LRRC14: variants seen among roughly 807,000 people sequenced by gnomAD.
LRRC14 encodes leucine rich repeat containing 14.
In LRRC14, 16 loss-of-function variants were observed where a neutral mutation model predicts 25.3. That is an observed-to-expected ratio of 0.63 (90% CI 0.43 to 0.96). The LOEUF is 0.96. Ranked by LOEUF, LRRC14 falls within the 40% of genes least tolerant of loss-of-function variation. The pLI, the probability that LRRC14 is intolerant of heterozygous loss-of-function variation, is 0.00. For missense variants in LRRC14, 594 were observed against 660.5 expected (o/e 0.90, Z 1.10); for synonymous variants, 359 against 295.1 (o/e 1.22, Z -2.22).
In LRRC14 at chr8:144,524,583, C is replaced by G; in HGVS notation, c.*3105C>G. On this transcript the variant is annotated 3_prime_UTR_variant, in exon 4 of 4. Coordinates refer to ENST00000292524, the MANE Select transcript of LRRC14 (RefSeq NM_014665.4). ...GCTAGTGAGCGCCAGCTCCAGCAGG[C>G]GCGGCTGCGCGCGGAAGGCGCCGGC... The G allele has an allele frequency of 6.5e-7, 1 of 1,536,566 alleles. No individual in the cohort carries two copies. Among genetic ancestry groups the G allele is most frequent in the Non-Finnish European group, 8.7e-7 (1 of 1,150,766 alleles).
At position 144,520,562 on chromosome 8, in the gene LRRC14, T is replaced by C. The variant is rs775338067; in HGVS notation, c.654T>C (p.Asp218=). The C allele has an allele frequency of 6.2e-7, 1 of 1,600,106 alleles. No homozygotes were observed. Among genetic ancestry groups the C allele is most frequent in the Non-Finnish European group, 8.5e-7 (1 of 1,179,868 alleles). ...RNTVALLQLL[D]AGCLRRVDLR... is the part of the protein sequence containing the mutation. ...CTGTGGCCCTGCTGCAGCTTCTGGATGCAGGCTGCCTGCGCCGCGTGGACC... is the reference window on the plus strand; with the variant it reads ...CTGTGGCCCTGCTGCAGCTTCTGGACGCAGGCTGCCTGCGCCGCGTGGACC... Residue 218 remains aspartate, a synonymous_variant, in exon 3 of 4, where the codon GAT becomes GAC. Transcript: ENST00000292524.
Position 144,519,912 on chromosome 8 carries a change from C to A in LRRC14, c.187C>A (p.Gln63Lys), listed in dbSNP as rs1168911744. ...TWPFPLLSFQ[Q>K]LLQECAHCSR... ...GCCCTTCCCGCTGCTCAGTTTCCAG[C>A]AGCTGCTACAGGAGTGTGCCCACTG... The change falls in exon 2 of 4, where the codon CAG becomes AAG. Residue 63 changes from glutamine to lysine, a missense_variant. Physicochemically the swap from Gln to Lys is moderately conservative, Grantham distance 53 (BLOSUM62 1). Coordinates refer to ENST00000292524, the MANE Select transcript of LRRC14 (RefSeq NM_014665.4). 2.5e-6 allele frequency: 4 copies of A among 1,613,286 alleles called. No homozygotes were observed.
chr8:144,523,188 G>T lies in LRRC14; in HGVS notation c.*1710G>T, dbSNP rs755773541. The stretch of plus-strand genomic sequence containing the variant: ...CCGGAGGCTTGGCAGGCAACCCGCA[G>T]GTCCTCACCCAGGTTGGCTGTGAGC... On this transcript the variant is annotated 3_prime_UTR_variant, in exon 4 of 4. Transcript: ENST00000292524. 3 of 1,609,988 alleles carry T rather than the reference G, an allele frequency of 1.9e-6. No homozygotes were observed. The Admixed American group carries it at 5.0e-5, about 27-fold the overall frequency.
rs766944855 is a variant in LRRC14, at chr8:144,520,294, A to C, written c.386A>C (p.Gln129Pro). 5.6e-6 allele frequency: 9 copies of C among 1,612,104 alleles called. No individual in the cohort carries two copies. Among genetic ancestry groups the C allele is most frequent in the Non-Finnish European group, 7.6e-6 (9 of 1,179,994 alleles). ...MTGLLDDGVEQDPGTMSMWDC... is the reference protein window; with the variant it reads ...MTGLLDDGVEPDPGTMSMWDC... ...GGCCTCTTGGATGATGGTGTGGAAC[A>C]GGATCCTGGCACCATGAGCATGTGG... The change falls in exon 3 of 4, where the codon CAG becomes CCG. Residue 129 changes from glutamine to proline, a missense_variant. Coordinates refer to ENST00000292524, the MANE Select transcript of LRRC14 (RefSeq NM_014665.4).
In LRRC14 at chr8:144,522,411, C is replaced by T; in HGVS notation, c.*933C>T. 7.3e-7 allele frequency: 1 copy of T among 1,370,126 alleles called. No individual in the cohort carries two copies. Among genetic ancestry groups the T allele is most frequent in the Non-Finnish European group, 9.4e-7 (1 of 1,069,064 alleles). 84.9% of individuals were successfully genotyped at this position (1,370,126 alleles called of 1,614,324 possible). ...ACTGCGCGGCTTCCACCTTTACTGA[C>T]GGAGCATGCGCGAGGCCGCACCGGC... On this transcript the variant is annotated 3_prime_UTR_variant, in exon 4 of 4. Coordinates refer to ENST00000292524, the MANE Select transcript of LRRC14 (RefSeq NM_014665.4).
intron 2 of LRRC14, 58 bp downstream of exon 2, chr8:144,520,112 A>G (rs1339595810): frequency 6.4e-7 from 1 of 1,573,900 alleles, no homozygotes; most frequent in East Asian, 2.2e-5. Flanking sequence ...TCCCCTGAGG[A>G]GGCTTGGGTC....
rs1272334248 is a variant in LRRC14 at position 144,518,000 on chromosome 8, G to C, written c.-153G>C. 1 of 275,354 alleles carries C rather than the reference G, an allele frequency of 3.6e-6. No homozygotes were observed. The highest frequency in any genetic ancestry group is 6.3e-6 in the Non-Finnish European group (1 of 158,484). The allele number at this position is 275,354 out of a possible 1,614,324, so 17.1% of individuals were successfully genotyped here. ...GGCGCCGGGCGGGGAGCGGCGGACG[G>C]TCTAGGCGGGGCTGGAGGCGGTGGC... is the stretch of plus-strand genomic sequence containing the variant. On this transcript the variant is annotated 5_prime_UTR_variant, in exon 1 of 4. Transcript: ENST00000292524.
intron 1 of LRRC14, chr8:144,519,332 G>A (rs1463395429): frequency 3.8e-5 from 11 of 292,006 alleles, no homozygotes; most frequent in South Asian, 1.7e-4. Flanking sequence ...TTCAGGTTTC[G>A]AAGAAGGTTT....
rs200030559 is a variant in LRRC14 at position 144,523,371 on chromosome 8, C to T, written c.*1893C>T. 1.3e-6 allele frequency: 2 copies of T among 1,569,820 alleles called. No homozygotes were observed. The highest frequency in any genetic ancestry group is 1.4e-5 in the African/African-American group (1 of 73,804). On this transcript the variant is annotated 3_prime_UTR_variant, in exon 4 of 4. Coordinates refer to ENST00000292524, the MANE Select transcript of LRRC14 (RefSeq NM_014665.4). ...TGGCCGCCCTCCTTGATCCAGGCACCCAGCCAGTGCAGGGCGCAGTCACAG... is the reference window on the plus strand; with the variant it reads ...TGGCCGCCCTCCTTGATCCAGGCACTCAGCCAGTGCAGGGCGCAGTCACAG...
chr8:144,522,420 C>G lies in LRRC14; in HGVS notation c.*942C>G. 2 of 1,377,400 alleles carry G rather than the reference C, an allele frequency of 1.5e-6. No homozygotes were observed. The highest frequency in any genetic ancestry group is 9.3e-7 in the Non-Finnish European group (1 of 1,073,404). 85.3% of individuals were successfully genotyped at this position (1,377,400 alleles called of 1,614,324 possible). On this transcript the variant is annotated 3_prime_UTR_variant, in exon 4 of 4. Transcript: ENST00000292524. ...CTTCCACCTTTACTGACGGAGCATG[C>G]GCGAGGCCGCACCGGCCAATCTCCG...
rs772545920 is a variant in LRRC14 at position 144,520,452 on chromosome 8, C to T, written c.544C>T (p.Arg182Trp). 30 of 1,597,564 alleles carry T rather than the reference C, an allele frequency of 1.9e-5. No homozygotes were observed. Among genetic ancestry groups the T allele is most frequent in the African/African-American group, 2.7e-5 (2 of 74,948 alleles). The change falls in exon 3 of 4, where the codon CGG (arginine) becomes TGG (tryptophan). Residue 182 changes from arginine (R) to tryptophan (W), a missense_variant. Transcript: ENST00000292524. ...RVNRASYAFL[R>W]EALRSSVGSP... ...GAACCGGGCCTCCTATGCGTTCCTG[C>T]GGGAGGCACTCCGAAGCAGCGTGGG...
At position 144,524,934 on chromosome 8, in the gene LRRC14, A is replaced by G. The variant is rs765807399; in HGVS notation, c.*3456A>G. The G allele has an allele frequency of 2.0e-4, 301 of 1,508,250 alleles. No individual in the cohort carries two copies. Among genetic ancestry groups the G allele is most frequent in the Non-Finnish European group, 2.4e-4 (273 of 1,129,808 alleles). 93.4% of individuals were successfully genotyped at this position (1,508,250 alleles called of 1,614,324 possible). On this transcript the variant is annotated 3_prime_UTR_variant, in exon 4 of 4. Transcript: ENST00000292524. ...GCCGGCGGCGCGGAGCGGCAGTAGT[A>G]GCAGCAGCAGCGGCAGCAGTGCGGG...
At position 144,523,967 on chromosome 8, in the gene LRRC14, G is replaced by GC. The variant is rs531241391; in HGVS notation, c.*2492dup. On this transcript the variant is annotated 3_prime_UTR_variant, in exon 4 of 4. Coordinates refer to ENST00000292524, the MANE Select transcript of LRRC14 (RefSeq NM_014665.4). Reference sequence around the variant, plus strand: ...ATTCCCCAGCACACCCACTCCCGCAGCCCTCCAGTGTGGCTGCAGGCGGTG... The same window carrying GC: ...ATTCCCCAGCACACCCACTCCCGCAGCCCCTCCAGTGTGGCTGCAGGCGGTG... 495 of 961,378 alleles carry GC rather than the reference G, an allele frequency of 5.1e-4. 3 individuals carry two copies. The African/African-American group carries it at 7.1e-3, about 14-fold the overall frequency. The allele number at this position is 961,378 out of a possible 1,614,324, so 59.6% of individuals were successfully genotyped here.
Position 144,520,020 on chromosome 8 carries a change from TC to T in LRRC14, c.296del (p.Ser99Ter). Reference protein sequence around the residue: ...ILGLTARLHTSEPGASTQPLC... With the variant: ...ILGLTARLHTXEPGASTQPLC... ...GGGGCTGACTGCCCGGCTCCACACC[TC>T]AGAGCCTGGGGCCAGCACACAGCCC... On this transcript the variant is annotated frameshift_variant, in exon 2 of 4. Transcript: ENST00000292524. LOFTEE classifies it high-confidence loss of function. 6.2e-7 allele frequency: 1 copy of T among 1,609,310 alleles called. No homozygotes were observed. Among genetic ancestry groups the T allele is most frequent in the Non-Finnish European group, 8.5e-7 (1 of 1,179,212 alleles).
Position 144,523,432 on chromosome 8 carries a change from A to C in LRRC14, c.*1954A>C. 1 of 1,509,508 alleles carries C rather than the reference A, an allele frequency of 6.6e-7. No homozygotes were observed. Among genetic ancestry groups the C allele is most frequent in the Admixed American group, 2.2e-5 (1 of 44,818 alleles). 93.5% of individuals were successfully genotyped at this position (1,509,508 alleles called of 1,614,324 possible). A position where few individuals can be genotyped will look rare whatever the true frequency, so the allele number is the denominator to read the frequency against. On this transcript the variant is annotated 3_prime_UTR_variant, in exon 4 of 4. Coordinates refer to ENST00000292524, the MANE Select transcript of LRRC14 (RefSeq NM_014665.4). ...TCTCTGTGGGAGAGCAGCGTTAGGC[A>C]GGTGGCTTGAGGGTGCTGCTAAAAC...
At position 144,520,047 on chromosome 8, in the gene LRRC14, C is replaced by T; in HGVS notation, c.322C>T (p.Leu108Phe). 2 of 1,604,086 alleles carry T rather than the reference C, an allele frequency of 1.2e-6. No homozygotes were observed. The highest frequency in any genetic ancestry group is 1.7e-6 in the Non-Finnish European group (2 of 1,177,278). Residue 108 changes from leucine (L) to phenylalanine (F), a missense_variant, in exon 2 of 4, where the codon CTC (leucine) becomes TTC (phenylalanine). Coordinates refer to ENST00000292524, the MANE Select transcript of LRRC14 (RefSeq NM_014665.4). Reference protein sequence around the residue: ...TSEPGASTQPLCRKHALRVLD... With the variant: ...TSEPGASTQPFCRKHALRVLD... ...AGAGCCTGGGGCCAGCACACAGCCC[C>T]TCTGCAGGTATGGACTTATCTGGAG... is the stretch of plus-strand genomic sequence containing the variant.
At chr8:144,518,541 G>A (rs1157311094) in intron 1 of LRRC14, 2 of 152,310 alleles carry the variant, frequency 1.3e-5, no homozygotes, top group African/African-American at 4.8e-5. Context: ...TATGATCGTT[G>A]AGATCTGTCC....
In LRRC14 at chr8:144,519,843, A is replaced by G. The variant is rs375290563; in HGVS notation, c.118A>G (p.Met40Val). 21 of 1,613,562 alleles carry G rather than the reference A, an allele frequency of 1.3e-5. No individual in the cohort carries two copies. Among genetic ancestry groups the G allele is most frequent in the Non-Finnish European group, 1.7e-5 (20 of 1,180,024 alleles). ...LFPLLFKVAF[M>V]DKKTVVLREL... ...CCCCCTGCTGTTCAAGGTGGCCTTC[A>G]TGGACAAGAAGACAGTGGTACTGCG... is the stretch of plus-strand genomic sequence containing the variant. Residue 40 changes from methionine (M) to valine (V), a missense_variant, in exon 2 of 4, where the codon ATG becomes GTG. By Grantham distance (21) the Met-to-Val change is conservative. Transcript: ENST00000292524.
Position 144,522,726 on chromosome 8 carries a change from T to G in LRRC14, c.*1248T>G. 6.3e-7 allele frequency: 1 copy of G among 1,593,266 alleles called. No homozygotes were observed. The highest frequency in any genetic ancestry group is 8.5e-7 in the Non-Finnish European group (1 of 1,171,266). The stretch of plus-strand genomic sequence containing the variant: ...GGAGGCCCCCGCGCCTTTTTTCGCC[T>G]GCGGCGCCGGCGACAGATCATGGCG... On this transcript the variant is annotated 3_prime_UTR_variant, in exon 4 of 4. Coordinates refer to ENST00000292524, the MANE Select transcript of LRRC14 (RefSeq NM_014665.4).
Sources: allele counts gnomAD v4.1 joint callset, GRCh38; gene constraint gnomAD v4.1.1; transcripts MANE v1.5; gene names NCBI Gene and HGNC (gene_info 2026-07-23, HGNC 2026-07-21).